Variants in ARMC8 observed in about 807,000 individuals in gnomAD.
ARMC8 encodes armadillo repeat-containing protein 8.
ARMC8 carries 20 observed loss-of-function variants against 99.3 expected under a neutral mutation model. The observed-to-expected ratio is 0.20, with a 90% CI of 0.14 to 0.29. The LOEUF is 0.29. Among genes scored for constraint, ARMC8 ranks in the 10% least tolerant of loss-of-function variants. The pLI is 1.00. For missense variants in ARMC8, 569 were observed against 809.5 expected, an observed-to-expected ratio of 0.70 and a Z score of 3.60; for synonymous variants, 263 against 278.3, an observed-to-expected ratio of 0.95 and a Z score of 0.55.
At chr3:138,221,505 TA>T (rs993544128) in intron 2 of ARMC8, among the ~76,000 whole-genome samples, 39 of 148,932 alleles carry the variant, frequency 2.6e-4, no homozygotes, top group Admixed American at 4.7e-4. Context: ...TATAAAGAAG[TA>T]AAAAAAAAAG....
Position 138,241,949 on chromosome 3 carries a change from C to G in ARMC8, c.1004C>G (p.Pro335Arg). ...ATGCTTGCTGATTATTTCAAGTATC[C>G]CAGCTCAGTGAGTGCCATCACTGAT... Reference protein sequence around the residue: ...IAMLADYFKYPSSVSAITDIK... With the variant: ...IAMLADYFKYRSSVSAITDIK... Residue 335 changes from proline (P) to arginine (R), a missense_variant, in exon 11 of 22, where the codon CCC (proline) becomes CGC (arginine). Physicochemically the swap from Pro to Arg is moderately radical, Grantham distance 103. This residue lies in a region of ARMC8 where 227 missense variants were observed against 417.9 expected (regional missense o/e 0.54). Coordinates refer to ENST00000469044, the MANE Select transcript of ARMC8 (RefSeq NM_001363941.2). 1 of 1,613,942 alleles carries G rather than the reference C, an allele frequency of 6.2e-7. No homozygotes were observed. Among genetic ancestry groups the G allele is most frequent in the Non-Finnish European group, 8.5e-7 (1 of 1,179,936 alleles).
chr3:138,287,868 TATTGACCA>T, intron 19 of ARMC8: 1 of 297,652 alleles, frequency 3.4e-6, no homozygotes, highest in Non-Finnish European at 6.7e-6. Flanking sequence ...AAATTTTTTT[TATTGACCA>T]ATAGGACAAT....
At chr3:138,271,506 C>A (rs1367346407) in intron 16 of ARMC8, among the ~76,000 whole-genome samples, 3 of 152,212 alleles carry the variant, frequency 2.0e-5, no homozygotes, top group Non-Finnish European at 4.4e-5. Flanking sequence ...ACATGCACAA[C>A]TTTAATGTTG....
At chr3:138,282,314 G>T (rs890907658) in intron 18 of ARMC8, among the ~76,000 whole-genome samples, 2 of 152,126 alleles carry the variant, frequency 1.3e-5, no homozygotes, top group African/African-American at 4.8e-5. Context: ...GCCACATTTG[G>T]ATTGCATGTC....
chr3:138,274,998 T>C (rs975218462), intron 18 of ARMC8, among the ~76,000 whole-genome samples: 2 of 152,180 alleles, frequency 1.3e-5, no homozygotes, highest in African/African-American at 4.8e-5. Flanking sequence ...TTATTCCTCA[T>C]CCCATAACCC....
At chr3:138,210,816 A>G (rs2044654810) in intron 2 of ARMC8, among the ~76,000 whole-genome samples, 1 of 151,996 alleles carries the variant, frequency 6.6e-6, no homozygotes, top group African/African-American at 2.4e-5. Flanking sequence ...CTCTCTCCCC[A>G]AAGGCATTGT....
chr3:138,242,398 T>C (rs1047046609), intron 11 of ARMC8, among the ~76,000 whole-genome samples: 4 of 152,208 alleles, frequency 2.6e-5, no homozygotes, highest in Admixed American at 2.6e-4. Flanking sequence ...ACAGTCTATT[T>C]TGTTACCTTT....
chr3:138,197,252 A>G (rs774355285), intron 1 of ARMC8, among the ~76,000 whole-genome samples: 8 of 152,188 alleles, frequency 5.3e-5, no homozygotes, highest in African/African-American at 1.2e-4. Context: ...AGGAAAGTGA[A>G]TGCACCAGCT....
chr3:138,210,405 G>A (rs1475805079), intron 2 of ARMC8, among the ~76,000 whole-genome samples: 2 of 152,146 alleles, frequency 1.3e-5, no homozygotes, highest in East Asian at 1.9e-4. Context: ...TGTTTAATGA[G>A]AGGAAACATT....
chr3:138,277,163 G>A (rs1484722846), intron 18 of ARMC8, among the ~76,000 whole-genome samples: 1 of 152,084 alleles, frequency 6.6e-6, no homozygotes, highest in Non-Finnish European at 1.5e-5. Context: ...AGGTACAAAG[G>A]CAACTTGGTG....
In ARMC8 at chr3:138,223,707, G is replaced by T; in HGVS notation, c.409G>T (p.Val137Phe). ...RCLRTIFTSP[V>F]TPEELLYTDA... is the part of the protein sequence containing the mutation. ...CCTGCGTACCATCTTCACCAGTCCT[G>T]TCACTCCAGAGGAGCTACTGTATAC... The change falls in exon 5 of 22, where the codon GTC (valine) becomes TTC (phenylalanine). Residue 137 changes from valine (V) to phenylalanine (F), a missense_variant. By Grantham distance (50) the Val-to-Phe change is conservative. This residue lies in a region of ARMC8 where 342 missense variants were observed against 391.6 expected (regional missense o/e 0.87). Coordinates refer to ENST00000469044, the MANE Select transcript of ARMC8 (RefSeq NM_001363941.2). 2 of 1,614,154 alleles carry T rather than the reference G, an allele frequency of 1.2e-6. No individual in the cohort carries two copies. The highest frequency in any genetic ancestry group is 1.7e-6 in the Non-Finnish European group (2 of 1,180,008).
chr3:138,256,432 C>CG (rs1257874053), intron 12 of ARMC8, among the ~76,000 whole-genome samples: 1 of 98,714 alleles, frequency 1.0e-5, no homozygotes, highest in African/African-American at 4.7e-5. Flanking sequence ...TTTTTTGAGA[C>CG]GGAGTCTCGC....
rs189243002 is a variant in ARMC8 at position 138,288,930 on chromosome 3, C to T, written c.1822-118C>T. On this transcript the variant is annotated intron_variant, in intron 19 of 21. Transcript: ENST00000469044. ...GGGATTACAGGCATGAGCCACCTCA[C>T]CTGGCCCTGCTTCAGACTTTTAGGT... The T allele has an allele frequency of 2.9e-5, 22 of 762,576 alleles. No individual in the cohort carries two copies. The African/African-American group carries it at 3.7e-4, about 13-fold the overall frequency. 47.2% of individuals were successfully genotyped at this position (762,576 alleles called of 1,614,324 possible).
At chr3:138,233,181 A>C (rs971689192) in intron 6 of ARMC8, among the ~76,000 whole-genome samples, 1 of 152,228 alleles carries the variant, frequency 6.6e-6, no homozygotes, top group African/African-American at 2.4e-5. Context: ...ACTGGTATCC[A>C]GTATCCAGTA....
intron 2 of ARMC8, among the ~76,000 whole-genome samples, chr3:138,218,959 A>G (rs939648050): frequency 6.6e-6 from 1 of 152,190 alleles, no homozygotes; most frequent in Non-Finnish European, 1.5e-5. Context: ...AAAGAAAATG[A>G]ATTCACTGAA....
chr3:138,214,165 A>G (rs548086490), intron 2 of ARMC8, among the ~76,000 whole-genome samples: 6 of 152,184 alleles, frequency 3.9e-5, no homozygotes, highest in Non-Finnish European at 8.8e-5. Flanking sequence ...TGTTTAAAAA[A>G]AAAAAAAAAG....
At position 138,201,436 on chromosome 3, in the gene ARMC8, C is replaced by CTTTTTTTTTTTTTTTTTTTTTTTTTTT. The variant is rs58707271; in HGVS notation, c.46-8366_46-8340dup. ...TAGAGTCCTTGTCTTCTTCCCCTCCCTTTTTTTTTTTTTTTTTTTTTTTTT... is the reference window on the plus strand; with the variant it reads ...TAGAGTCCTTGTCTTCTTCCCCTCCCTTTTTTTTTTTTTTTTTTTTTTTTTTTTTTTTTTTTTTTTTTTTTTTTTTTT... On this transcript the variant is annotated intron_variant, in intron 1 of 21. Transcript: ENST00000469044. Among the ~76,000 whole-genome samples, 2 of 64,932 alleles carry CTTTTTTTTTTTTTTTTTTTTTTTTTTT rather than the reference C, an allele frequency of 3.1e-5. 1 individual carries two copies. Among genetic ancestry groups the CTTTTTTTTTTTTTTTTTTTTTTTTTTT allele is most frequent in the Non-Finnish European group, 6.8e-5 (2 of 29,392 alleles). 42.6% of individuals were successfully genotyped at this position (64,932 alleles called of 152,430 possible).
At chr3:138,209,746 A>G in intron 1 of ARMC8, 71 bp from the exon 2 acceptor site, 1 of 1,239,738 alleles carries the variant, frequency 8.1e-7, no homozygotes, top group South Asian at 1.2e-5. Flanking sequence ...GTCACTTGAT[A>G]TTGTGGGTGA....
intron 19 of ARMC8, among the ~76,000 whole-genome samples, chr3:138,287,088 T>A (rs1424788078): frequency 6.6e-6 from 1 of 152,210 alleles, no homozygotes; most frequent in African/African-American, 2.4e-5. Context: ...TAACAGTATC[T>A]TCCTTGACAC....
Sources: allele counts gnomAD v4.1 joint callset (sites outside exome capture counted in the v4.1 genomes callset), GRCh38; gene constraint gnomAD v4.1.1; regional missense constraint gnomAD v4.1.1; transcripts MANE v1.5; gene names NCBI Gene and HGNC (gene_info 2026-07-23, HGNC 2026-07-21).